The following EEF2K variants were observed in gnomAD, a reference collection of about 807,000 sequenced individuals.
EEF2K encodes eukaryotic elongation factor 2 kinase.
A neutral mutation model predicts 93.8 loss-of-function variants in EEF2K; 70 were observed. That is an observed-to-expected ratio of 0.75 (90% CI 0.62 to 0.91). The LOEUF (loss-of-function observed/expected upper bound fraction) is 0.91, where lower values mean the gene tolerates loss of function less well. Ranked by LOEUF, EEF2K falls within the 40% of genes least tolerant of loss-of-function variation. The pLI is 0.00. For missense variants in EEF2K, 935 were observed against 972.9 expected, an observed-to-expected ratio of 0.96 and a Z score of 0.52; for synonymous variants, 376 against 380.8, an observed-to-expected ratio of 0.99 and a Z score of 0.15.
Position 22,257,746 on chromosome 16 carries a change from A to G in EEF2K, c.1005A>G (p.Ala335=), listed in dbSNP as rs2141674385. ...PFDLSPRERD[A]VNQNTKLLQS... Reference sequence around the variant, plus strand: ...ACCTCTCGCCCCGGGAGAGGGATGCAGTGAATCAGAACACCAAGCTGCTGG... The same window carrying G: ...ACCTCTCGCCCCGGGAGAGGGATGCGGTGAATCAGAACACCAAGCTGCTGG... Residue 335 remains alanine (A), a synonymous_variant, in exon 9 of 18, where the codon GCA becomes GCG. Coordinates refer to ENST00000263026, the MANE Select transcript of EEF2K (RefSeq NM_013302.5). 1.2e-6 allele frequency: 2 copies of G among 1,613,954 alleles called. No individual in the cohort carries two copies. Among genetic ancestry groups the G allele is most frequent in the Non-Finnish European group, 1.7e-6 (2 of 1,180,036 alleles).
chr16:22,256,098 TATTA>T (rs1223422411), intron 6 of EEF2K, among the ~76,000 whole-genome samples: 1 of 151,780 alleles, frequency 6.6e-6, no homozygotes, highest in Non-Finnish European at 1.5e-5. Context: ...ATTTTTATTT[TATTA>T]ATTTTTTTTT....
chr16:22,241,139 C>T (rs1358022841), intron 2 of EEF2K, among the ~76,000 whole-genome samples: 3 of 152,074 alleles, frequency 2.0e-5, no homozygotes, highest in Non-Finnish European at 4.4e-5. Flanking sequence ...TCTACATCAA[C>T]TGTCAGCTGT....
intron 2 of EEF2K, among the ~76,000 whole-genome samples, chr16:22,228,554 A>G (rs988217678): frequency 6.6e-6 from 1 of 152,242 alleles, no homozygotes; most frequent in Non-Finnish European, 1.5e-5. Flanking sequence ...ACTTTATTTA[A>G]TTCAGGTACC....
At chr16:22,210,167 C>T (rs2046902178) in intron 1 of EEF2K, among the ~76,000 whole-genome samples, 1 of 152,144 alleles carries the variant, frequency 6.6e-6, no homozygotes, top group Non-Finnish European at 1.5e-5. Context: ...AACAGTGCTC[C>T]CCACAACCCC....
rs902072944 is a variant in EEF2K at position 22,285,683 on chromosome 16, C to A, written c.*1687C>A. 6.6e-6 allele frequency: 1 copy of A among 152,502 alleles called. No individual in the cohort carries two copies. Among genetic ancestry groups the A allele is most frequent in the African/African-American group, 2.4e-5 (1 of 41,430 alleles). 9.4% of individuals were successfully genotyped at this position (152,502 alleles called of 1,614,324 possible). ...AAAACAACAAAAAAAAGACAGACTG[C>A]TTTGATCAACCCTAAATGCAAAAGC... On this transcript the variant is annotated 3_prime_UTR_variant, in exon 18 of 18. Coordinates refer to ENST00000263026, the MANE Select transcript of EEF2K (RefSeq NM_013302.5).
intron 15 of EEF2K, among the ~76,000 whole-genome samples, chr16:22,269,955 CT>C (rs60467730): frequency 6.0e-3 from 852 of 141,264 alleles, no homozygotes; most frequent in Middle Eastern, 7.2e-3. Context: ...CTTCCTGATT[CT>C]TTTTTTTTTT....
chr16:22,209,417 C>T (rs542679024), intron 1 of EEF2K, among the ~76,000 whole-genome samples: 9 of 152,198 alleles, frequency 5.9e-5, no homozygotes, highest in Admixed American at 2.6e-4. Flanking sequence ...GTCTGGTTGC[C>T]GGGACTCTGG....
rs773581150 is a variant in EEF2K at position 22,225,795 on chromosome 16, C to G, written c.66C>G (p.Gly22=). 1.2e-6 allele frequency: 2 copies of G among 1,614,222 alleles called. No homozygotes were observed. Among genetic ancestry groups the G allele is most frequent in the Non-Finnish European group, 1.7e-6 (2 of 1,180,042 alleles). Residue 22 remains glycine, a synonymous_variant, in exon 2 of 18, where the codon GGC becomes GGG. Transcript: ENST00000263026. The part of the protein sequence containing the change: ...GVDGGQSPRA[G]HDGDSDGDSD... ...ATGGCGGCCAGTCCCCCCGAGCTGG[C>G]CATGATGGTGATTCTGATGGGGACA... is the stretch of plus-strand genomic sequence containing the variant.
intron 2 of EEF2K, among the ~76,000 whole-genome samples, chr16:22,239,262 AG>A (rs2047197970): frequency 6.6e-6 from 1 of 152,126 alleles, no homozygotes; most frequent in African/African-American, 2.4e-5. Context: ...TCCAGCCAGG[AG>A]GTAATTTCTG....
chr16:22,207,213 G>A (rs550739202), intron 1 of EEF2K, among the ~76,000 whole-genome samples: 60 of 152,328 alleles, frequency 3.9e-4, no homozygotes, highest in Non-Finnish European at 7.1e-4. Context: ...CGGTGGCCGC[G>A]CGGGGGTGGG....
At chr16:22,227,615 CA>C (rs892398797) in intron 2 of EEF2K, among the ~76,000 whole-genome samples, 1 of 152,186 alleles carries the variant, frequency 6.6e-6, no homozygotes, top group African/African-American at 2.4e-5. Flanking sequence ...TTATTTATTA[CA>C]TATTATATAT....
Position 22,266,781 on chromosome 16 carries a change from C to A in EEF2K, c.1669C>A (p.His557Asn). The A allele has an allele frequency of 6.2e-7, 1 of 1,614,214 alleles. No homozygotes were observed. The highest frequency in any genetic ancestry group is 8.5e-7 in the Non-Finnish European group (1 of 1,180,036). The part of the protein sequence containing the change: ...DQESAVFHLE[H>N]AANLGELEAI... ...GGAGTCGGCTGTCTTCCACCTGGAG[C>A]ACGCAGCCAACCTGGGCGAGCTGGA... is the stretch of plus-strand genomic sequence containing the variant. Residue 557 changes from histidine to asparagine, a missense_variant, in exon 15 of 18, where the codon CAC becomes AAC. Physicochemically the swap from His to Asn is moderately conservative, Grantham distance 68. Transcript: ENST00000263026.
chr16:22,278,049 T>A (rs1384371604), intron 16 of EEF2K, among the ~76,000 whole-genome samples: 1 of 151,576 alleles, frequency 6.6e-6, no homozygotes, highest in Non-Finnish European at 1.5e-5. Context: ...TATAAAAAAA[T>A]TTTAAAAATT....
intron 1 of EEF2K, among the ~76,000 whole-genome samples, chr16:22,216,301 A>G (rs1230070412): frequency 6.6e-6 from 1 of 152,164 alleles, no homozygotes; most frequent in Middle Eastern, 3.2e-3. Flanking sequence ...TCAGAGGTAG[A>G]CTGTCACTTC....
At position 22,286,536 on chromosome 16, in the gene EEF2K, A is replaced by G. The variant is rs2047754981; in HGVS notation, c.*2540A>G. 1.3e-5 allele frequency: 2 copies of G among 152,236 alleles called. No homozygotes were observed. Among genetic ancestry groups the G allele is most frequent in the African/African-American group, 4.8e-5 (2 of 41,464 alleles). The allele number at this position is 152,236 out of a possible 1,614,324, so 9.4% of individuals were successfully genotyped here. The stretch of plus-strand genomic sequence containing the variant: ...GCAGGCCATATAGCCTCTGCTGCAA[A>G]TGCTCAGCCCTGCTGTTGTAATGTA... On this transcript the variant is annotated 3_prime_UTR_variant, in exon 18 of 18. Transcript: ENST00000263026.
At position 22,225,839 on chromosome 16, in the gene EEF2K, A is replaced by T. The variant is rs753709983; in HGVS notation, c.110A>T (p.Tyr37Phe). Residue 37 changes from tyrosine (Y) to phenylalanine (F), a missense_variant, in exon 2 of 18, where the codon TAC becomes TTC. Transcript: ENST00000263026. ...SDGDSDDEEG[Y>F]FICPITDDPS... ...GGGGACAGCGACGATGAGGAAGGTT[A>T]CTTCATCTGCCCCATCACGGATGAC... The T allele has an allele frequency of 1.2e-6, 2 of 1,614,238 alleles. No individual in the cohort carries two copies. Among genetic ancestry groups the T allele is most frequent in the Non-Finnish European group, 8.5e-7 (1 of 1,180,036 alleles).
chr16:22,248,925 A>C, intron 4 of EEF2K, 110 bp downstream of exon 4: 2 of 1,094,962 alleles, frequency 1.8e-6, no homozygotes, highest in South Asian at 1.6e-5. Context: ...AATTTTTGTA[A>C]CTTCGGGGGA....
Position 22,236,354 on chromosome 16 carries a change from T to G in EEF2K, c.247-8276T>G, listed in dbSNP as rs1598175480. Among the ~76,000 whole-genome samples the G allele has an allele frequency of 9.8e-5, 14 of 142,654 alleles. 1 individual carries two copies. Among genetic ancestry groups the G allele is most frequent in the Admixed American group, 8.9e-4 (13 of 14,544 alleles). 93.6% of individuals were successfully genotyped at this position (142,654 alleles called of 152,430 possible). A position where few individuals can be genotyped will look rare whatever the true frequency, so the allele number is the denominator to read the frequency against. On this transcript the variant is annotated intron_variant, in intron 2 of 17. Transcript: ENST00000263026. ...AGTTGTATTTCTTTTTTTTTTTTTT[T>G]GCCTCGACTTCCCAGGTTCAGGTGA...
chr16:22,234,655 C>T (rs1013551374), intron 2 of EEF2K, among the ~76,000 whole-genome samples: 1 of 152,002 alleles, frequency 6.6e-6, no homozygotes, highest in African/African-American at 2.4e-5. Flanking sequence ...AATTATGCAT[C>T]CATCACCACA....
Sources: allele counts gnomAD v4.1 joint callset (sites outside exome capture counted in the v4.1 genomes callset), GRCh38; gene constraint gnomAD v4.1.1; transcripts MANE v1.5; gene names NCBI Gene and HGNC (gene_info 2026-07-23, HGNC 2026-07-21).